The following TCF7L1 variants were observed in gnomAD, a reference collection of about 807,000 sequenced individuals.
TCF7L1 encodes the protein transcription factor 7-like 1.
In TCF7L1, 18 loss-of-function variants were observed where a neutral mutation model predicts 63.7. The ratio of observed to expected loss-of-function variants is 0.28; its 90% confidence interval spans 0.20 to 0.42. The LOEUF is 0.42. TCF7L1 is among the 10% of genes least tolerant of loss of function. The pLI is 1.00. For synonymous variants in TCF7L1, 355 were observed against 340.9 expected (o/e 1.04, Z -0.46); for missense variants, 654 against 779.3 (o/e 0.84, Z 1.91).
intron 3 of TCF7L1, among the ~76,000 whole-genome samples, chr2:85,177,482 A>G (rs546972605): frequency 6.6e-6 from 1 of 152,378 alleles, no homozygotes; most frequent in East Asian, 1.9e-4. Context: ...AGGAAGAAGG[A>G]TCACTTGAGC....
intron 3 of TCF7L1, among the ~76,000 whole-genome samples, chr2:85,263,189 G>C (rs1478624462): frequency 6.6e-6 from 1 of 152,196 alleles, no homozygotes; most frequent in East Asian, 1.9e-4. Flanking sequence ...TGGAATGATT[G>C]GCTGGCTAGA....
intron 3 of TCF7L1, among the ~76,000 whole-genome samples, chr2:85,241,629 G>A (rs1286623766): frequency 1.3e-5 from 2 of 151,738 alleles, no homozygotes; most frequent in Non-Finnish European, 2.9e-5. Context: ...ATTTTTAGTA[G>A]AGACAGGGTT....
At chr2:85,255,007 G>A (rs1045471791) in intron 3 of TCF7L1, among the ~76,000 whole-genome samples, 3 of 152,174 alleles carry the variant, frequency 2.0e-5, no homozygotes, top group Non-Finnish European at 2.9e-5. Context: ...GACCTTTCTC[G>A]AGAAGGGTGG....
chr2:85,241,796 A>C lies in TCF7L1; in HGVS notation c.442-41699A>C, dbSNP rs932591796. 4.6e-5 allele frequency among the ~76,000 whole-genome samples: 7 copies of C among 152,126 alleles called. No homozygotes were observed. In the South Asian group the frequency reaches 6.2e-4, roughly 14 times the overall value. On this transcript the variant is annotated intron_variant, in intron 3 of 11. Transcript: ENST00000282111. ...TCATGCATGATAATTCAGGCCCCAG[A>C]TATATTTTTATTTTATTGACTTCCT...
Position 85,309,364 on chromosome 2 carries a change from G to T in TCF7L1, c.1669G>T (p.Ala557Ser). The T allele has an allele frequency of 6.2e-7, 1 of 1,607,838 alleles. No homozygotes were observed. The highest frequency in any genetic ancestry group is 1.1e-5 in the South Asian group (1 of 90,334). Residue 557 changes from alanine (A) to serine (S), a missense_variant, in exon 12 of 12, where the codon GCC (alanine) becomes TCC (serine). Ala to Ser is a moderately conservative substitution (Grantham distance 99). Around this residue, in one of 3 missense-constraint regions of TCF7L1, gnomAD observed 184 missense variants for 204.0 expected, o/e 0.90. Coordinates refer to ENST00000282111, the MANE Select transcript of TCF7L1 (RefSeq NM_031283.3). ...TGGGTCCATGCCCACAGCTCTGCTG[G>T]CCTCTCCCCCGTCCTTCCCCGCCAC... ...PLGSMPTALL[A>S]SPPSFPATLH... is the part of the protein sequence containing the mutation.
chr2:85,237,877 A>G (rs1680230580), intron 3 of TCF7L1, among the ~76,000 whole-genome samples: 1 of 152,038 alleles, frequency 6.6e-6, no homozygotes, highest in Non-Finnish European at 1.5e-5. Context: ...GGCTCTTCAC[A>G]TATGGAGGAC....
At chr2:85,287,468 T>G (rs1311436783) in intron 4 of TCF7L1, among the ~76,000 whole-genome samples, 5 of 152,148 alleles carry the variant, frequency 3.3e-5, no homozygotes, top group African/African-American at 1.2e-4. Context: ...CAAACAAACA[T>G]CTAACCATTG....
intron 3 of TCF7L1, among the ~76,000 whole-genome samples, chr2:85,177,213 G>A (rs1678696416): frequency 6.6e-6 from 1 of 151,984 alleles, no homozygotes; most frequent in South Asian, 2.1e-4. Flanking sequence ...CTTCTTATAA[G>A]GGCACTAATC....
rs186458931 is a variant in TCF7L1 at position 85,294,282 on chromosome 2, C to T, written c.526-8202C>T. Among the ~76,000 whole-genome samples the T allele has an allele frequency of 4.8e-3, 733 of 152,028 alleles. 7 individuals carry two copies. Among genetic ancestry groups the T allele is most frequent in the African/African-American group, 0.016 (680 of 41,478 alleles). On this transcript the variant is annotated intron_variant, in intron 4 of 11. Coordinates refer to ENST00000282111, the MANE Select transcript of TCF7L1 (RefSeq NM_031283.3). ...CGATCTCCTGACCTTGTGACGTGCC[C>T]GCCTCGGCCTCCCAAAGTGCTGGGA... is the stretch of plus-strand genomic sequence containing the variant.
chr2:85,230,824 G>A (rs1680059268), intron 3 of TCF7L1, among the ~76,000 whole-genome samples: 1 of 152,164 alleles, frequency 6.6e-6, no homozygotes, highest in Non-Finnish European at 1.5e-5. Context: ...AACAAAAATT[G>A]TAATAGCTTC....
At chr2:85,234,153 T>TTTTTTTTTTTTTTTTTTTTTC (rs1558641614) in intron 3 of TCF7L1, among the ~76,000 whole-genome samples, 1 of 134,332 alleles carries the variant, frequency 7.4e-6, no homozygotes, top group African/African-American at 3.3e-5. Context: ...TTTTTTTTTT[T>TTTTTTTTTTTTTTTTTTTTTC]CGAGATGGAG....
intron 7 of TCF7L1, among the ~76,000 whole-genome samples, chr2:85,304,619 T>C (rs1682060578): frequency 6.6e-6 from 1 of 152,168 alleles, no homozygotes; most frequent in Non-Finnish European, 1.5e-5. Context: ...TGAGGACAGA[T>C]GCTCCCCGAC....
At chr2:85,177,662 G>A (rs573628421) in intron 3 of TCF7L1, among the ~76,000 whole-genome samples, 60 of 152,018 alleles carry the variant, frequency 3.9e-4, no homozygotes, top group African/African-American at 1.3e-3. Flanking sequence ...CCATGATTGC[G>A]CCACTGCACT....
intron 3 of TCF7L1, among the ~76,000 whole-genome samples, chr2:85,198,398 C>A (rs532535541): frequency 1.3e-5 from 2 of 152,250 alleles, no homozygotes; most frequent in Non-Finnish European, 2.9e-5. Flanking sequence ...GGTGCAGAGC[C>A]GGAGCTCAGG....
At chr2:85,165,895 A>G (rs924556356) in intron 3 of TCF7L1, among the ~76,000 whole-genome samples, 7 of 152,206 alleles carry the variant, frequency 4.6e-5, no homozygotes, top group Admixed American at 3.3e-4. Flanking sequence ...ACTGTTAACT[A>G]GACTACAGAC....
intron 3 of TCF7L1, among the ~76,000 whole-genome samples, chr2:85,250,925 A>G (rs1680573457): frequency 1.3e-5 from 2 of 152,192 alleles, no homozygotes; most frequent in Non-Finnish European, 2.9e-5. Context: ...CAAAGGAGAA[A>G]CTGTAGTCTC....
At chr2:85,195,744 G>A (rs1679140850) in intron 3 of TCF7L1, among the ~76,000 whole-genome samples, 2 of 151,888 alleles carry the variant, frequency 1.3e-5, no homozygotes, top group Non-Finnish European at 1.5e-5. Flanking sequence ...ATGGGGTCTC[G>A]CCATGTTGCC....
intron 4 of TCF7L1, among the ~76,000 whole-genome samples, chr2:85,283,898 T>C (rs62162678): frequency 0.24 from 36,717 of 152,288 alleles, 7,675 homozygotes; most frequent in African/African-American, 0.56. Flanking sequence ...CCACTTCACG[T>C]GGGCAAGGGT....
chr2:85,211,980 C>T (rs1679559145), intron 3 of TCF7L1, among the ~76,000 whole-genome samples: 1 of 150,050 alleles, frequency 6.7e-6, no homozygotes, highest in Non-Finnish European at 1.5e-5. Context: ...ATCCCAGCTA[C>T]TCGGGATGCT....
Sources: allele counts gnomAD v4.1 joint callset (sites outside exome capture counted in the v4.1 genomes callset), GRCh38; gene constraint gnomAD v4.1.1; regional missense constraint gnomAD v4.1.1; transcripts MANE v1.5; gene names NCBI Gene and HGNC (gene_info 2026-07-23, HGNC 2026-07-21).